The following SERINC5 variants were observed in gnomAD, a reference collection of about 807,000 sequenced individuals.
The protein encoded by SERINC5 is serine incorporator 5, also known as chromosome 5 open reading frame 12.
SERINC5 carries 41 observed loss-of-function variants against 63.1 expected under a neutral mutation model. The observed-to-expected ratio is 0.65, with a 90% CI of 0.51 to 0.84. The LOEUF (loss-of-function observed/expected upper bound fraction) is 0.84. Ranked by LOEUF, SERINC5 falls within the 40% of genes least tolerant of loss-of-function variation. SERINC5 has a pLI of 0.00. For synonymous variants in SERINC5, 222 were observed against 215.2 expected, an observed-to-expected ratio of 1.03 and a Z score of -0.28; for missense variants, 523 against 573.0, an observed-to-expected ratio of 0.91 and a Z score of 0.89.
At chr5:80,148,681 C>G (rs1269041951) in intron 9 of SERINC5, among the ~76,000 whole-genome samples, 1 of 148,964 alleles carries the variant, frequency 6.7e-6, no homozygotes, top group Admixed American at 6.7e-5. Flanking sequence ...AAAAAAAAAG[C>G]AAAGAAAAAA....
chr5:80,246,717 C>T (rs942525314), intron 1 of SERINC5, among the ~76,000 whole-genome samples: 4 of 152,236 alleles, frequency 2.6e-5, no homozygotes, highest in Non-Finnish European at 5.9e-5. Flanking sequence ...TGTGTAATCA[C>T]ACCAACTCAG....
chr5:80,131,701 AT>A (rs1272816192), intron 11 of SERINC5, among the ~76,000 whole-genome samples: 2 of 152,200 alleles, frequency 1.3e-5, no homozygotes, highest in Non-Finnish European at 2.9e-5. Context: ...ACGGGAAGCC[AT>A]TTTGAGGGTG....
At chr5:80,232,387 G>A (rs1751487678) in intron 1 of SERINC5, among the ~76,000 whole-genome samples, 1 of 142,550 alleles carries the variant, frequency 7.0e-6, no homozygotes, top group South Asian at 2.2e-4. Context: ...CTGGGCGACA[G>A]AGTGAGACTC....
intron 6 of SERINC5, among the ~76,000 whole-genome samples, chr5:80,168,554 T>C (rs921637948): frequency 2.0e-5 from 3 of 152,104 alleles, no homozygotes; most frequent in Admixed American, 6.6e-5. Context: ...GGGCTGTACA[T>C]TTATTGCCTG....
rs1580049248 is a variant in SERINC5, at chr5:80,139,853, T to C, written c.*3810A>G. The C allele has an allele frequency of 1.0e-6, 1 of 985,340 alleles. No homozygotes were observed. Among genetic ancestry groups the C allele is most frequent in the East Asian group, 1.1e-4 (1 of 8,810 alleles). The allele number at this position is 985,340 out of a possible 1,614,324, so 61.0% of individuals were successfully genotyped here. ...AGGTTTGTCCCTTCTTAGTTGTAGG[T>C]TGGGCCCTCTTTCGTTTCCAAGAGG... On this transcript the variant is annotated 3_prime_UTR_variant, in exon 12 of 12. Transcript: ENST00000507668.
chr5:80,161,804 T>C (rs1198214745), intron 7 of SERINC5, among the ~76,000 whole-genome samples: 1 of 152,226 alleles, frequency 6.6e-6, no homozygotes, highest in African/African-American at 2.4e-5. Flanking sequence ...AGAGTTTTCC[T>C]AGGTTTTCTT....
intron 1 of SERINC5, among the ~76,000 whole-genome samples, chr5:80,228,649 A>G (rs902051526): frequency 1.6e-4 from 25 of 151,800 alleles, no homozygotes; most frequent in African/African-American, 5.8e-4. Context: ...TTTGTTTGCT[A>G]TACTCCCCAG....
chr5:80,128,242 T>C (rs1043521346), intron 11 of SERINC5: 2 of 152,232 alleles, frequency 1.3e-5, no homozygotes, highest in Admixed American at 6.5e-5. Context: ...TGATATTTCC[T>C]GCCGTAAAAC....
intron 11 of SERINC5, among the ~76,000 whole-genome samples, chr5:80,144,763 T>C (rs1239505087): frequency 6.6e-6 from 1 of 152,242 alleles, no homozygotes; most frequent in Non-Finnish European, 1.5e-5. Context: ...ACTTGCGTCA[T>C]AGTCTGTCTC....
At chr5:80,199,363 C>T (rs34061557) in intron 2 of SERINC5, among the ~76,000 whole-genome samples, 13,117 of 152,222 alleles carry the variant, frequency 0.086, 732 homozygotes, top group Non-Finnish European at 0.13. Context: ...GAGTACAGTG[C>T]TGATGAAGTA....
intron 1 of SERINC5, among the ~76,000 whole-genome samples, chr5:80,221,013 G>T (rs1750876148): frequency 6.6e-6 from 1 of 152,110 alleles, no homozygotes; most frequent in African/African-American, 2.4e-5. Context: ...AAACAGGTCA[G>T]CCCTGAGCAG....
At chr5:80,215,733 C>A (rs1257426225) in intron 1 of SERINC5, among the ~76,000 whole-genome samples, 1 of 152,164 alleles carries the variant, frequency 6.6e-6, no homozygotes, top group South Asian at 2.1e-4. Flanking sequence ...TTATTTTCCA[C>A]GTTGAACATT....
Position 80,139,942 on chromosome 5 carries a change from G to C in SERINC5, c.*3721C>G, listed in dbSNP as rs1414426995. The C allele has an allele frequency of 1.0e-6, 1 of 985,286 alleles. No homozygotes were observed. The highest frequency in any genetic ancestry group is 1.7e-5 in the African/African-American group (1 of 57,234). 61.0% of individuals were successfully genotyped at this position (985,286 alleles called of 1,614,324 possible). Reference sequence around the variant, plus strand: ...GAAAGGCAATAAAGGGAGTGTAAAAGCCTAGGTAGCTTAAATACAGGCTCT... The same window carrying C: ...GAAAGGCAATAAAGGGAGTGTAAAACCCTAGGTAGCTTAAATACAGGCTCT... On this transcript the variant is annotated 3_prime_UTR_variant, in exon 12 of 12. Transcript: ENST00000507668.
At chr5:80,167,824 T>G (rs538658474) in intron 6 of SERINC5, among the ~76,000 whole-genome samples, 1 of 152,338 alleles carries the variant, frequency 6.6e-6, no homozygotes, top group Non-Finnish European at 1.5e-5. Context: ...CTTTCTTTCC[T>G]GCGAAATTTT....
At chr5:80,219,437 CT>C (rs1225873508) in intron 1 of SERINC5, among the ~76,000 whole-genome samples, 13 of 152,204 alleles carry the variant, frequency 8.5e-5, no homozygotes, top group Non-Finnish European at 1.6e-4. Context: ...AATTCATCTT[CT>C]TCTTCCACTT....
rs1338849558 is a variant in SERINC5, at chr5:80,239,819, AG to A, written c.27+16076del. ...GTGAAGTAGAGCTGCCTTCAAAGATAGGAAGTTCCTGCCTCTGGAGTTGTTT... is the reference window on the plus strand; with the variant it reads ...GTGAAGTAGAGCTGCCTTCAAAGATAGAAGTTCCTGCCTCTGGAGTTGTTT... On this transcript the variant is annotated intron_variant, in intron 1 of 11. Transcript: ENST00000507668. Among the ~76,000 whole-genome samples the A allele has an allele frequency of 3.3e-5, 5 of 152,174 alleles. 1 individual carries two copies. The highest frequency in any genetic ancestry group is 2.1e-4 in the South Asian group (1 of 4,832).
intron 1 of SERINC5, among the ~76,000 whole-genome samples, chr5:80,203,845 T>C (rs910634439): frequency 5.9e-5 from 9 of 152,154 alleles, no homozygotes; most frequent in African/African-American, 2.2e-4. Flanking sequence ...GAAGGCTGGC[T>C]ATCAGTGGAA....
intron 5 of SERINC5, among the ~76,000 whole-genome samples, chr5:80,171,418 C>T (rs905945548): frequency 2.0e-5 from 3 of 152,160 alleles, no homozygotes; most frequent in African/African-American, 7.2e-5. Context: ...TTACTAAGAG[C>T]CATACTGGCT....
At position 80,143,754 on chromosome 5, in the gene SERINC5, A is replaced by C. The variant is rs1011076906; in HGVS notation, c.1295T>G (p.Val432Gly). Reference protein sequence around the residue: ...FFSGSWSIFWVKMASCWICVL... With the variant: ...FFSGSWSIFWGKMASCWICVL... ...GCATATCCAGCAGGAGGCCATCTTG[A>C]CCCAGAAGATGGACCAGCTCCCGCT... The change falls in exon 12 of 12, where the codon GTC (valine) becomes GGC (glycine). Residue 432 changes from valine (V) to glycine (G), a missense_variant. Coordinates refer to ENST00000507668, the MANE Select transcript of SERINC5 (RefSeq NM_001174072.3). 10 of 1,536,138 alleles carry C rather than the reference A, an allele frequency of 6.5e-6. No homozygotes were observed. Among genetic ancestry groups the C allele is most frequent in the Non-Finnish European group, 8.7e-6 (10 of 1,146,872 alleles).
Sources: allele counts gnomAD v4.1 joint callset (sites outside exome capture counted in the v4.1 genomes callset), GRCh38; gene constraint gnomAD v4.1.1; transcripts MANE v1.5; gene names NCBI Gene and HGNC (gene_info 2026-07-23, HGNC 2026-07-21).